Variants in KSR1 observed in about 807,000 individuals in gnomAD.
KSR1 encodes the protein kinase suppressor of ras.
A neutral mutation model predicts 92.9 loss-of-function variants in KSR1; 35 were observed. The ratio of observed to expected loss-of-function variants is 0.38; its 90% CI spans 0.29 to 0.50. KSR1 has a LOEUF of 0.50. Among genes scored for constraint, KSR1 ranks in the 20% least tolerant of loss-of-function variants. KSR1 has a pLI of 0.94. For missense variants in KSR1, 972 were observed against 1,158.5 expected, an observed-to-expected ratio of 0.84 and a Z score of 2.34; for synonymous variants, 467 against 472.6, an observed-to-expected ratio of 0.99 and a Z score of 0.15.
In KSR1 at chr17:27,586,249, C is replaced by T. The variant is rs527610074; in HGVS notation, c.985+588C>T. On this transcript the variant is annotated intron_variant, in intron 5 of 20. Transcript: ENST00000644974. ...CCACCTCCAGGTTGGGAGCACGTTC[C>T]TGCACGTGGCTATGCTGTGGGGCCT... Among the ~76,000 whole-genome samples, 5 of 152,336 alleles carry T rather than the reference C, an allele frequency of 3.3e-5. No individual in the cohort carries two copies. The South Asian group carries it at 1.0e-3, about 32-fold the overall frequency.
chr17:27,516,983 G>A (rs1348132771), intron 1 of KSR1, among the ~76,000 whole-genome samples: 2 of 152,136 alleles, frequency 1.3e-5, no homozygotes, highest in Non-Finnish European at 2.9e-5. Context: ...CAGATAGCAG[G>A]CCCTGAAAGA....
intron 6 of KSR1, among the ~76,000 whole-genome samples, chr17:27,589,382 C>T (rs1213663517): frequency 1.3e-5 from 2 of 152,042 alleles, no homozygotes; most frequent in East Asian, 3.9e-4. Context: ...AATCTCTTAC[C>T]GAGAAGCTCT....
chr17:27,556,906 C>G (rs1215068497), intron 2 of KSR1, among the ~76,000 whole-genome samples: 1 of 152,158 alleles, frequency 6.6e-6, no homozygotes, highest in Non-Finnish European at 1.5e-5. Context: ...CCCTGGCTGT[C>G]CTGACTTAGT....
At chr17:27,491,057 CTG>C (rs781244704) in intron 1 of KSR1, among the ~76,000 whole-genome samples, 10 of 151,948 alleles carry the variant, frequency 6.6e-5, no homozygotes, top group Non-Finnish European at 1.3e-4. Flanking sequence ...GTATCTATAA[CTG>C]TGTGTGTATC....
intron 1 of KSR1, among the ~76,000 whole-genome samples, chr17:27,505,982 A>AT (rs1460296586): frequency 1.3e-5 from 2 of 151,892 alleles, no homozygotes; most frequent in African/African-American, 2.4e-5. Flanking sequence ...TACTTTTCTC[A>AT]TTTTTTTCTT....
chr17:27,469,106 C>T (rs1237026632), intron 1 of KSR1, among the ~76,000 whole-genome samples: 3 of 152,136 alleles, frequency 2.0e-5, no homozygotes, highest in Admixed American at 6.5e-5. Flanking sequence ...CTGGGAGCCC[C>T]GGGCAAACCC....
intron 2 of KSR1, among the ~76,000 whole-genome samples, chr17:27,555,011 C>T (rs900280654): frequency 1.3e-5 from 2 of 152,178 alleles, no homozygotes; most frequent in African/African-American, 2.4e-5. Flanking sequence ...TTACAATGAA[C>T]GCAACTCCAG....
intron 9 of KSR1, among the ~76,000 whole-genome samples, chr17:27,593,810 C>T (rs113043570): frequency 3.3e-5 from 5 of 152,230 alleles, no homozygotes; most frequent in African/African-American, 9.6e-5. Flanking sequence ...ATTAGTTTCT[C>T]ATGGTTCTGG....
intron 1 of KSR1, among the ~76,000 whole-genome samples, chr17:27,494,020 T>C (rs1355520681): frequency 6.6e-6 from 1 of 152,082 alleles, no homozygotes; most frequent in African/African-American, 2.4e-5. Context: ...CTGAGGTGGT[T>C]TGTAGCAGCT....
At chr17:27,530,287 A>C (rs541923258) in intron 1 of KSR1, among the ~76,000 whole-genome samples, 59 of 152,248 alleles carry the variant, frequency 3.9e-4, no homozygotes, top group African/African-American at 1.3e-3. Flanking sequence ...TGTACAAAAA[A>C]TACAAAAATT....
At position 27,611,582 on chromosome 17, in the gene KSR1, GGAAT is replaced by G; in HGVS notation, c.2450_2453del (p.Met817SerfsTer4). On this transcript the variant is annotated frameshift_variant, in exon 18 of 21. Coordinates refer to ENST00000644974, the MANE Select transcript of KSR1 (RefSeq NM_001394583.1). LOFTEE classifies it high-confidence loss of function. ...CATCTGGCAGATTGGAAGCGGGGAAGGAATGAAGCGTGTCCTGACTTCTGTCAGC... is the reference window on the plus strand; with the variant it reads ...CATCTGGCAGATTGGAAGCGGGGAAGGAAGCGTGTCCTGACTTCTGTCAGC... The G allele has an allele frequency of 1.2e-6, 2 of 1,613,882 alleles. No individual in the cohort carries two copies.
chr17:27,553,633 A>G (rs139897308), intron 2 of KSR1, among the ~76,000 whole-genome samples: 2 of 152,328 alleles, frequency 1.3e-5, no homozygotes, highest in Non-Finnish European at 2.9e-5. Flanking sequence ...TAAGAACCAC[A>G]AGGAACCATT....
At chr17:27,523,218 C>A (rs1395864742) in intron 1 of KSR1, among the ~76,000 whole-genome samples, 6 of 152,094 alleles carry the variant, frequency 3.9e-5, no homozygotes, top group African/African-American at 1.4e-4. Flanking sequence ...TAGAAGGAAA[C>A]TAAAAGCCTA....
chr17:27,603,810 G>T, intron 11 of KSR1, 24 bp from the exon 12 acceptor site: 1 of 1,613,544 alleles, frequency 6.2e-7, no homozygotes, highest in African/African-American at 1.3e-5. Flanking sequence ...CTCATGCTTT[G>T]TGTTTGGTTT....
Position 27,540,575 on chromosome 17 carries a change from G to A in KSR1, c.232-9993G>A, listed in dbSNP as rs78578117. Among the ~76,000 whole-genome samples, 1,235 of 152,328 alleles carry A rather than the reference G, an allele frequency of 8.1e-3. 46 individuals are homozygous for A. The highest frequency in any genetic ancestry group is 0.057 in the Admixed American group (871 of 15,308). Reference sequence around the variant, plus strand: ...AGCCTGGCAGCTTCCCCAGGAGAGTGCGGGTATGGGCCGGGCCGGGAGAGG... The same window carrying A: ...AGCCTGGCAGCTTCCCCAGGAGAGTACGGGTATGGGCCGGGCCGGGAGAGG... On this transcript the variant is annotated intron_variant, in intron 1 of 20. Transcript: ENST00000644974.
At position 27,583,052 on chromosome 17, in the gene KSR1, C is replaced by T. The variant is rs2072833837; in HGVS notation, c.927C>T (p.Ser309=). ...LLPSFPTLTR[S]KSHESQLGNR... The stretch of plus-strand genomic sequence containing the variant: ...CCAGCTTCCCCACACTCACCCGGAG[C>T]AAGTCCCATGAGTCTCAGCTGGGGA... The change falls in exon 4 of 21, where the codon AGC becomes AGT. Residue 309 remains serine (S), a synonymous_variant. Transcript: ENST00000644974. 6.2e-7 allele frequency: 1 copy of T among 1,605,196 alleles called. No individual in the cohort carries two copies. Among genetic ancestry groups the T allele is most frequent in the East Asian group, 2.2e-5 (1 of 44,736 alleles).
chr17:27,595,319 C>T (rs73274051), intron 9 of KSR1, among the ~76,000 whole-genome samples: 1 of 152,328 alleles, frequency 6.6e-6, no homozygotes, highest in African/African-American at 2.4e-5. Flanking sequence ...CTTCTGGGTG[C>T]TCCTAGCTAG....
At chr17:27,489,226 A>G (rs1044107718) in intron 1 of KSR1, among the ~76,000 whole-genome samples, 5 of 152,204 alleles carry the variant, frequency 3.3e-5, no homozygotes, top group African/African-American at 1.2e-4. Flanking sequence ...GGTGTCTGCC[A>G]TGGGCGTGCC....
chr17:27,523,378 G>A (rs1465822931), intron 1 of KSR1, among the ~76,000 whole-genome samples: 2 of 113,210 alleles, frequency 1.8e-5, no homozygotes, highest in African/African-American at 7.7e-5. Flanking sequence ...TACCATTTCT[G>A]TAAGGTTAAA....
Sources: allele counts gnomAD v4.1 joint callset (sites outside exome capture counted in the v4.1 genomes callset), GRCh38; gene constraint gnomAD v4.1.1; transcripts MANE v1.5; gene names NCBI Gene and HGNC (gene_info 2026-07-23, HGNC 2026-07-21).